The following BTBD9 variants were observed in gnomAD, a reference collection of about 807,000 sequenced individuals.
BTBD9 encodes the protein BTB/POZ domain-containing protein 9.
A neutral mutation model predicts 64.3 loss-of-function variants in BTBD9; 49 were observed. The ratio of observed to expected loss-of-function variants is 0.76; its 90% CI spans 0.61 to 0.97. The LOEUF (loss-of-function observed/expected upper bound fraction) is 0.97. Among genes scored for constraint, BTBD9 ranks in the 50% least tolerant of loss-of-function variants. The pLI, the probability that BTBD9 is intolerant of heterozygous loss-of-function variation, is 0.00. For missense variants in BTBD9, 598 were observed against 762.1 expected, an observed-to-expected ratio of 0.78 and a Z score of 2.53; for synonymous variants, 260 against 274.7, an observed-to-expected ratio of 0.95 and a Z score of 0.53.
At chr6:38,213,130 C>T (rs149643300) in intron 9 of BTBD9, among the ~76,000 whole-genome samples, 50 of 152,110 alleles carry the variant, frequency 3.3e-4, no homozygotes, top group Non-Finnish European at 5.6e-4. Flanking sequence ...AAGCAAGTGG[C>T]CTTCCAGAAG....
In BTBD9 at chr6:38,475,219, G is replaced by A. The variant is rs77855271; in HGVS notation, c.1154+102381C>T. ...ATGAAGTACTGAATTAGTGGTCTAC[G>A]GACTATAAGATTATGGGTGATTTTT... On this transcript the variant is annotated intron_variant, in intron 6 of 10. Coordinates refer to ENST00000481247, the MANE Select transcript of BTBD9 (RefSeq NM_001099272.2). Among the ~76,000 whole-genome samples the A allele has an allele frequency of 1.7e-3, 263 of 152,172 alleles. 3 individuals are homozygous for A. In the East Asian group the frequency reaches 0.019, roughly 11 times the overall value.
chr6:38,257,895 C>T (rs1227076217), intron 8 of BTBD9, among the ~76,000 whole-genome samples: 1 of 151,716 alleles, frequency 6.6e-6, no homozygotes, highest in African/African-American at 2.4e-5. Flanking sequence ...GGTAGTTACA[C>T]GGGCATAAAT....
At chr6:38,253,985 T>C (rs1380948134) in intron 9 of BTBD9, among the ~76,000 whole-genome samples, 1 of 147,458 alleles carries the variant, frequency 6.8e-6, no homozygotes, top group South Asian at 2.3e-4. Context: ...TGACTACATT[T>C]CCCAGCCATA....
At chr6:38,225,776 G>A (rs549989495) in intron 9 of BTBD9, among the ~76,000 whole-genome samples, 1 of 43,822 alleles carries the variant, frequency 2.3e-5, no homozygotes, top group African/African-American at 7.8e-5. Flanking sequence ...AGAAGCATCA[G>A]GGGCAACCCA....
chr6:38,626,640 T>C (rs1486786602), intron 1 of BTBD9, among the ~76,000 whole-genome samples: 1 of 152,218 alleles, frequency 6.6e-6, no homozygotes, highest in African/African-American at 2.4e-5. Context: ...AGCCACACCA[T>C]ACTCGAATTC....
intron 8 of BTBD9, among the ~76,000 whole-genome samples, chr6:38,287,358 G>T (rs910386852): frequency 6.6e-6 from 1 of 151,334 alleles, no homozygotes. Context: ...GCCCAAGCTG[G>T]TCTCGAACTC....
chr6:38,333,838 G>A (rs1763775659), intron 7 of BTBD9, among the ~76,000 whole-genome samples: 1 of 152,196 alleles, frequency 6.6e-6, no homozygotes, highest in African/African-American at 2.4e-5. Context: ...GTGTGCCATT[G>A]CTACAACGAT....
At chr6:38,327,312 C>T (rs1214038665) in intron 7 of BTBD9, among the ~76,000 whole-genome samples, 2 of 152,162 alleles carry the variant, frequency 1.3e-5, no homozygotes, top group African/African-American at 2.4e-5. Context: ...CCTATACAAT[C>T]ATTTCTTTTT....
chr6:38,295,338 A>T (rs543804160), intron 7 of BTBD9, among the ~76,000 whole-genome samples: 4 of 151,748 alleles, frequency 2.6e-5, no homozygotes, highest in African/African-American at 9.7e-5. Flanking sequence ...CTAATTTTTT[A>T]AATTTTTTAT....
At chr6:38,560,034 G>A (rs1775202417) in intron 6 of BTBD9, among the ~76,000 whole-genome samples, 2 of 152,206 alleles carry the variant, frequency 1.3e-5, no homozygotes, top group South Asian at 4.2e-4. Context: ...AAGAATTTAT[G>A]ACTAAGTCCT....
intron 1 of BTBD9, 29 bp from the exon 2 acceptor site, chr6:38,598,150 G>C: frequency 6.5e-7 from 1 of 1,532,034 alleles, no homozygotes; most frequent in Non-Finnish European, 8.9e-7. Context: ...ATGAGAGTTA[G>C]TTGGGGGAGG....
chr6:38,338,940 A>G (rs796639811), intron 7 of BTBD9, among the ~76,000 whole-genome samples: 10 of 152,238 alleles, frequency 6.6e-5, no homozygotes, highest in African/African-American at 2.2e-4. Context: ...CGAACTGGCT[A>G]AAGTCCAGAA....
intron 6 of BTBD9, among the ~76,000 whole-genome samples, chr6:38,433,453 T>C (rs184295569): frequency 3.7e-4 from 56 of 152,016 alleles, no homozygotes; most frequent in Admixed American, 3.3e-3. Flanking sequence ...GATTTGTTCC[T>C]GCCCCACCTT....
chr6:38,467,433 C>T (rs1770445823), intron 6 of BTBD9, among the ~76,000 whole-genome samples: 1 of 152,024 alleles, frequency 6.6e-6, no homozygotes, highest in Admixed American at 6.6e-5. Flanking sequence ...CAGAAATTAC[C>T]TCCCCCCATA....
In BTBD9 at chr6:38,412,042, A is replaced by G. The variant is rs1408455499; in HGVS notation, c.1155-66949T>C. 2.0e-5 allele frequency among the ~76,000 whole-genome samples: 3 copies of G among 152,142 alleles called. No homozygotes were observed. In the East Asian group the frequency reaches 5.8e-4, roughly 29 times the overall value. The stretch of plus-strand genomic sequence containing the variant: ...AATTTTAAAATGGGTCAATTCCTCT[A>G]TATTCTGAAAGTAGAGAAACATTTC... On this transcript the variant is annotated intron_variant, in intron 6 of 10. Transcript: ENST00000481247.
intron 7 of BTBD9, among the ~76,000 whole-genome samples, chr6:38,341,530 T>A (rs1041265419): frequency 2.0e-5 from 3 of 152,202 alleles, no homozygotes; most frequent in Non-Finnish European, 2.9e-5. Flanking sequence ...AAAAAGTGAA[T>A]TTAAACACAA....
At chr6:38,276,838 T>G (rs990748408) in intron 8 of BTBD9, among the ~76,000 whole-genome samples, 8 of 152,170 alleles carry the variant, frequency 5.3e-5, no homozygotes, top group East Asian at 1.9e-4. Flanking sequence ...TCTTAAAGAC[T>G]GAAACTACTA....
intron 6 of BTBD9, 125 bp from the exon 7 acceptor site, chr6:38,345,218 T>G (rs954515248): frequency 1.9e-6 from 1 of 529,132 alleles, no homozygotes. Flanking sequence ...AAGGAGACTC[T>G]GAGCTTGACT....
intron 7 of BTBD9, among the ~76,000 whole-genome samples, chr6:38,290,106 C>T (rs1761900239): frequency 6.8e-6 from 1 of 146,446 alleles, no homozygotes; most frequent in African/African-American, 2.5e-5. Flanking sequence ...TCTCGTATGC[C>T]TTCACTAATT....
Sources: allele counts gnomAD v4.1 joint callset (sites outside exome capture counted in the v4.1 genomes callset), GRCh38; gene constraint gnomAD v4.1.1; transcripts MANE v1.5; gene names NCBI Gene and HGNC (gene_info 2026-07-23, HGNC 2026-07-21).